The following ROBO2 variants were observed in gnomAD, a reference collection of about 807,000 sequenced individuals.
ROBO2 encodes roundabout guidance receptor 2, also known as roundabout homolog 2.
ROBO2 carries 53 observed loss-of-function variants against 160.8 expected under a neutral mutation model. The ratio of observed to expected loss-of-function variants is 0.33; its 90% confidence interval spans 0.26 to 0.41. The LOEUF is 0.41. Among genes scored for constraint, ROBO2 ranks in the 10% least tolerant of loss-of-function variants. The pLI is 1.00. For synonymous variants in ROBO2, 664 were observed against 611.7 expected, an observed-to-expected ratio of 1.09 and a Z score of -1.26; for missense variants, 1,577 against 1,722.4, an observed-to-expected ratio of 0.92 and a Z score of 1.49.
chr3:76,222,848 G>A (rs535433232), intron 2 of ROBO2, among the ~76,000 whole-genome samples: 8 of 151,922 alleles, frequency 5.3e-5, no homozygotes, highest in Non-Finnish European at 1.0e-4. Flanking sequence ...TCCGCCACCC[G>A]GGTTCAAGTA....
intron 2 of ROBO2, among the ~76,000 whole-genome samples, chr3:76,325,083 T>A (rs2072901170): frequency 6.6e-6 from 1 of 152,224 alleles, no homozygotes; most frequent in Non-Finnish European, 1.5e-5. Context: ...CCAGCCTGCG[T>A]GACAGAGCGA....
At chr3:77,604,125 G>A (rs548393911) in intron 20 of ROBO2, 1 of 151,936 alleles carries the variant, frequency 6.6e-6, no homozygotes, top group African/African-American at 2.4e-5. Flanking sequence ...CCTTCAAAAT[G>A]GGTCATTTGC....
intron 2 of ROBO2, among the ~76,000 whole-genome samples, chr3:77,034,655 A>G (rs1328114985): frequency 6.6e-6 from 1 of 151,952 alleles, no homozygotes. Flanking sequence ...CAGTGAGCAT[A>G]CAACTGTAAA....
At chr3:75,934,084 G>A (rs975792246) in intron 1 of ROBO2, among the ~76,000 whole-genome samples, 5 of 152,126 alleles carry the variant, frequency 3.3e-5, no homozygotes, top group African/African-American at 1.2e-4. Flanking sequence ...GAAGTAATAC[G>A]CGAACATTCT....
chr3:76,397,644 C>G (rs1236249832), intron 2 of ROBO2, among the ~76,000 whole-genome samples: 2 of 151,662 alleles, frequency 1.3e-5, no homozygotes, highest in African/African-American at 4.9e-5. Flanking sequence ...AACAAACAAC[C>G]CCATCAAAAA....
intron 2 of ROBO2, among the ~76,000 whole-genome samples, chr3:76,767,491 T>A (rs554269807): frequency 6.6e-6 from 1 of 151,698 alleles, no homozygotes; most frequent in South Asian, 2.1e-4. Flanking sequence ...AGTAAAATAT[T>A]TAGAACATTG....
At chr3:76,413,767 C>A (rs2075615168) in intron 2 of ROBO2, among the ~76,000 whole-genome samples, 1 of 152,148 alleles carries the variant, frequency 6.6e-6, no homozygotes, top group Non-Finnish European at 1.5e-5. Flanking sequence ...TTCCTGTCTT[C>A]TTCTGAGCCC....
chr3:77,432,058 A>G (rs536501315), intron 2 of ROBO2, among the ~76,000 whole-genome samples: 1 of 152,332 alleles, frequency 6.6e-6, no homozygotes, highest in East Asian at 1.9e-4. Flanking sequence ...TCTGCAGCAT[A>G]TAATGAATGT....
chr3:76,819,706 T>C (rs1462052916), intron 2 of ROBO2, among the ~76,000 whole-genome samples: 1 of 152,154 alleles, frequency 6.6e-6, no homozygotes, highest in South Asian at 2.1e-4. Context: ...AAAATATTAA[T>C]GTATATTAAT....
Position 76,072,588 on chromosome 3 carries a change from T to A in ROBO2, c.109+134986T>A, listed in dbSNP as rs189984688. On this transcript the variant is annotated intron_variant, in intron 2 of 26. Coordinates refer to the ROBO2 transcript ENST00000487694. ...TTTTTGTTTTTTTGTTTTTAAGACC[T>A]ACAAACTCCTCTTGTATCAGCACAC... is the stretch of plus-strand genomic sequence containing the variant. 1.2e-3 allele frequency among the ~76,000 whole-genome samples: 185 copies of A among 152,270 alleles called. 2 individuals carry two copies. Among genetic ancestry groups the A allele is most frequent in the African/African-American group, 4.3e-3 (178 of 41,548 alleles).
At chr3:77,421,464 TGTAA>T (rs2077707540) in intron 2 of ROBO2, among the ~76,000 whole-genome samples, 1 of 152,164 alleles carries the variant, frequency 6.6e-6, no homozygotes, top group Non-Finnish European at 1.5e-5. Flanking sequence ...AATTTGTTTG[TGTAA>T]GTATTTCTGT....
chr3:77,264,199 A>G (rs1373559511), intron 2 of ROBO2, among the ~76,000 whole-genome samples: 1 of 152,224 alleles, frequency 6.6e-6, no homozygotes, highest in Non-Finnish European at 1.5e-5. Flanking sequence ...CTTCTAAAAG[A>G]TTTTTAAACA....
chr3:76,646,055 G>A (rs1486820278), intron 2 of ROBO2, among the ~76,000 whole-genome samples: 1 of 152,166 alleles, frequency 6.6e-6, no homozygotes, highest in African/African-American at 2.4e-5. Flanking sequence ...AAGTGTTCGA[G>A]ACGTGATTCC....
At chr3:76,572,716 AT>A (rs2085031891) in intron 2 of ROBO2, among the ~76,000 whole-genome samples, 1 of 152,220 alleles carries the variant, frequency 6.6e-6, no homozygotes, top group African/African-American at 2.4e-5. Context: ...CCACAACTTT[AT>A]TCTGAGTCAC....
At chr3:76,944,127 G>C (rs915430438) in intron 2 of ROBO2, among the ~76,000 whole-genome samples, 4 of 151,644 alleles carry the variant, frequency 2.6e-5, no homozygotes, top group Non-Finnish European at 4.4e-5. Context: ...CAATTAAAAG[G>C]TCTGTTTATG....
At chr3:77,153,331 T>C (rs901869469) in intron 2 of ROBO2, among the ~76,000 whole-genome samples, 10 of 152,142 alleles carry the variant, frequency 6.6e-5, no homozygotes, top group Non-Finnish European at 1.3e-4. Flanking sequence ...ATGGATTGTA[T>C]CTTTCTTAGA....
intron 2 of ROBO2, among the ~76,000 whole-genome samples, chr3:76,577,858 A>G (rs2085405058): frequency 6.6e-6 from 1 of 152,150 alleles, no homozygotes; most frequent in Non-Finnish European, 1.5e-5. Context: ...TCTCATTAAG[A>G]CACTTCAAAA....
chr3:77,022,300 G>A (rs774073935), intron 2 of ROBO2, among the ~76,000 whole-genome samples: 110 of 152,166 alleles, frequency 7.2e-4, no homozygotes, highest in African/African-American at 1.1e-3. Context: ...AACCCATGAC[G>A]CGGAGGTTGC....
intron 2 of ROBO2, among the ~76,000 whole-genome samples, chr3:76,326,719 C>T (rs1290937562): frequency 1.3e-5 from 2 of 150,862 alleles, no homozygotes; most frequent in Non-Finnish European, 3.0e-5. Flanking sequence ...GCTGCACCCA[C>T]TAACTCGTCA....
Sources: allele counts gnomAD v4.1 joint callset (sites outside exome capture counted in the v4.1 genomes callset), GRCh38; gene constraint gnomAD v4.1.1; transcripts MANE v1.5; gene names NCBI Gene and HGNC (gene_info 2026-07-23, HGNC 2026-07-21).